Variants in CLVS1 observed in about 807,000 individuals in gnomAD.
CLVS1 encodes clavesin-1.
Under a neutral mutation model 33.1 loss-of-function variants are expected in CLVS1, and 10 were observed. The ratio of observed to expected loss-of-function variants is 0.30; its 90% confidence interval spans 0.19 to 0.51. The LOEUF is 0.51. CLVS1 is among the 20% of genes least tolerant of loss of function. CLVS1 has a pLI of 0.97. For missense variants in CLVS1, 343 were observed against 433.4 expected, an observed-to-expected ratio of 0.79 and a Z score of 1.85; for synonymous variants, 163 against 166.1, an observed-to-expected ratio of 0.98 and a Z score of 0.14.
intron 2 of CLVS1, among the ~76,000 whole-genome samples, chr8:61,160,823 C>T (rs1006402060): frequency 1.3e-5 from 2 of 152,224 alleles, no homozygotes; most frequent in African/African-American, 2.4e-5. Context: ...TCAACCTTGC[C>T]CCTGTTCTAG....
At chr8:61,330,109 A>G (rs80008501) in intron 2 of CLVS1, among the ~76,000 whole-genome samples, 3 of 152,240 alleles carry the variant, frequency 2.0e-5, no homozygotes, top group South Asian at 2.1e-4. Flanking sequence ...CCCTGCCCAG[A>G]TGATCCCAAT....
intron 1 of CLVS1, among the ~76,000 whole-genome samples, chr8:61,058,016 A>G (rs569277470): frequency 5.3e-5 from 8 of 152,240 alleles, no homozygotes; most frequent in Non-Finnish European, 1.2e-4. Flanking sequence ...GAAAGTTTCT[A>G]TGGAAAACAG....
the CLVS1 span, among the ~76,000 whole-genome samples, chr8:61,042,054 G>C: frequency 1.3e-5 from 2 of 152,120 alleles, no homozygotes; most frequent in Non-Finnish European, 2.9e-5. Context: ...TCTGGTCAAA[G>C]CTCCAACCAG....
At chr8:61,165,942 G>T (rs1806853601) in intron 2 of CLVS1, among the ~76,000 whole-genome samples, 1 of 151,638 alleles carries the variant, frequency 6.6e-6, no homozygotes, top group Admixed American at 6.6e-5. Flanking sequence ...AGCCTTTTGT[G>T]TGCATGTGGC....
At chr8:61,185,415 A>G (rs1254849160) in intron 2 of CLVS1, among the ~76,000 whole-genome samples, 1 of 151,758 alleles carries the variant, frequency 6.6e-6, no homozygotes, top group African/African-American at 2.4e-5. Context: ...CGGCCTCCAA[A>G]AGTCCTGGAA....
chr8:61,275,813 C>T (rs371831174), intron 2 of CLVS1, among the ~76,000 whole-genome samples: 1 of 152,144 alleles, frequency 6.6e-6, no homozygotes, highest in East Asian at 1.9e-4. Flanking sequence ...AAGAACAAAC[C>T]ACTGAATTCA....
chr8:61,383,773 C>A (rs964365914), intron 3 of CLVS1, among the ~76,000 whole-genome samples: 10 of 152,108 alleles, frequency 6.6e-5, no homozygotes, highest in Non-Finnish European at 1.5e-5. Context: ...CTTTGGTGTA[C>A]TTTTGATAAA....
rs116170379 is a variant in CLVS1, at chr8:61,364,677, G to A, written c.456-11928G>A. Among the ~76,000 whole-genome samples the A allele has an allele frequency of 5.7e-3, 873 of 152,308 alleles. 8 individuals are homozygous for A. The highest frequency in any genetic ancestry group is 0.021 in the African/African-American group (854 of 41,554). On this transcript the variant is annotated intron_variant, in intron 2 of 5. Coordinates refer to ENST00000325897, the MANE Select transcript of CLVS1 (RefSeq NM_173519.3). The stretch of plus-strand genomic sequence containing the variant: ...TAAGTTCAATCCATTTCTATTAGGT[G>A]TGAATTAGCCATATTTTTCAGGGTT...
At chr8:61,217,203 A>T (rs1808107700) in intron 2 of CLVS1, among the ~76,000 whole-genome samples, 1 of 152,154 alleles carries the variant, frequency 6.6e-6, no homozygotes, top group Admixed American at 6.6e-5. Flanking sequence ...TTTATAAAAG[A>T]TCTCTTATAC....
intron 1 of CLVS1, among the ~76,000 whole-genome samples, chr8:61,127,883 A>G (rs1806005687): frequency 1.3e-5 from 2 of 152,212 alleles, no homozygotes; most frequent in South Asian, 4.1e-4. Flanking sequence ...AACTCTCATT[A>G]TTGGAGAACC....
At chr8:61,474,657 C>A (rs1817847898) in intron 5 of CLVS1, among the ~76,000 whole-genome samples, 1 of 152,136 alleles carries the variant, frequency 6.6e-6, no homozygotes, top group South Asian at 2.1e-4. Context: ...TTGGTTAGGA[C>A]CCCGAGCCTG....
At chr8:61,317,127 A>G (rs1811040553) in intron 2 of CLVS1, among the ~76,000 whole-genome samples, 1 of 152,190 alleles carries the variant, frequency 6.6e-6, no homozygotes, top group Non-Finnish European at 1.5e-5. Flanking sequence ...TAATTTATAA[A>G]CAACAGAAAC....
At chr8:61,388,741 T>C (rs965332789) in intron 3 of CLVS1, among the ~76,000 whole-genome samples, 2 of 152,184 alleles carry the variant, frequency 1.3e-5, no homozygotes, top group Non-Finnish European at 2.9e-5. Flanking sequence ...AGCATATCAG[T>C]ATCTCAAACA....
At chr8:61,017,782 T>TG in the CLVS1 span, among the ~76,000 whole-genome samples, 2,647 of 152,230 alleles carry the variant, frequency 0.017, 73 homozygotes, top group African/African-American at 0.06. Flanking sequence ...AGATCAGGGC[T>TG]GGGGGGGCTC....
At chr8:61,466,828 T>C (rs1420658895) in intron 5 of CLVS1, among the ~76,000 whole-genome samples, 1 of 152,058 alleles carries the variant, frequency 6.6e-6, no homozygotes, top group East Asian at 1.9e-4. Flanking sequence ...TTTGTATTTT[T>C]AGTAGAGATG....
chr8:61,054,075 A>T (rs923967052), upstream of CLVS1, among the ~76,000 whole-genome samples: 6 of 152,218 alleles, frequency 3.9e-5, no homozygotes. Context: ...GATTTCTCTG[A>T]CGCCAGCTGC....
In CLVS1 at chr8:61,302,361, AT is replaced by A. The variant is rs1810468410; in HGVS notation, c.455+2084del. Among the ~76,000 whole-genome samples, 3 of 152,312 alleles carry A rather than the reference AT, an allele frequency of 2.0e-5. No individual in the cohort carries two copies. The South Asian group carries it at 6.2e-4, about 32-fold the overall frequency. ...CTACATTGCTTCACTGATGAGACAG[AT>A]TTTTAGGTCTTATGATTCATTCATC... On this transcript the variant is annotated intron_variant, in intron 2 of 5. Coordinates refer to ENST00000325897, the MANE Select transcript of CLVS1 (RefSeq NM_173519.3).
chr8:61,475,309 C>G (rs951453150), intron 5 of CLVS1, among the ~76,000 whole-genome samples: 1 of 152,100 alleles, frequency 6.6e-6, no homozygotes. Flanking sequence ...GGGTATATAC[C>G]CAGTAATGGG....
At chr8:61,249,590 C>A (rs1479611840) in intron 2 of CLVS1, among the ~76,000 whole-genome samples, 1 of 152,120 alleles carries the variant, frequency 6.6e-6, no homozygotes, top group Non-Finnish European at 1.5e-5. Flanking sequence ...CTATTATTTC[C>A]TGACTTTTTA....
Sources: gnomAD v4.1 joint callset for allele counts (sites outside exome capture counted in the v4.1 genomes callset) on GRCh38, gnomAD v4.1.1 for gene constraint, MANE v1.5 for transcripts, NCBI Gene and HGNC (gene_info 2026-07-23, HGNC 2026-07-21) for gene names.